The following SERGEF variants were observed in gnomAD, a reference collection of about 807,000 sequenced individuals.
SERGEF encodes the protein secretion-regulating guanine nucleotide exchange factor.
Under a neutral mutation model 50.0 loss-of-function variants are expected in SERGEF, and 51 were observed. That is an observed-to-expected ratio of 1.02 (90% confidence interval 0.81 to 1.29). SERGEF has a LOEUF of 1.29. SERGEF is among the 50% of genes most tolerant of loss of function. The pLI, the probability that SERGEF is intolerant of heterozygous loss-of-function variation, is 0.00. For synonymous variants in SERGEF, 205 were observed against 212.4 expected (o/e 0.97, Z 0.30); for missense variants, 521 against 557.0 (o/e 0.94, Z 0.65).
At chr11:17,876,826 C>T (rs1411167529) in intron 10 of SERGEF, among the ~76,000 whole-genome samples, 2 of 152,248 alleles carry the variant, frequency 1.3e-5, no homozygotes, top group African/African-American at 2.4e-5. Context: ...CTAGGCACCG[C>T]CTTTGACTCT....
chr11:17,933,503 C>T (rs941048026), intron 9 of SERGEF, among the ~76,000 whole-genome samples: 1 of 152,068 alleles, frequency 6.6e-6, no homozygotes, highest in African/African-American at 2.4e-5. Flanking sequence ...TAGCTACTGT[C>T]CCTGGGAAAG....
At chr11:17,912,215 A>T (rs1851968491) in intron 9 of SERGEF, among the ~76,000 whole-genome samples, 1 of 152,266 alleles carries the variant, frequency 6.6e-6, no homozygotes, top group South Asian at 2.1e-4. Context: ...AGAAATACAC[A>T]GTGTTATGAA....
At chr11:17,900,060 A>G (rs1052649850) in intron 9 of SERGEF, among the ~76,000 whole-genome samples, 1 of 152,194 alleles carries the variant, frequency 6.6e-6, no homozygotes, top group Non-Finnish European at 1.5e-5. Context: ...CCTACCTTCT[A>G]GGAGTTAAGA....
At chr11:17,922,163 T>C (rs1273824880) in intron 9 of SERGEF, among the ~76,000 whole-genome samples, 1 of 152,192 alleles carries the variant, frequency 6.6e-6, no homozygotes, top group Non-Finnish European at 1.5e-5. Context: ...CCTTGGAGAA[T>C]AGAGCATATC....
At chr11:17,840,754 A>AT (rs1321779085) in intron 10 of SERGEF, among the ~76,000 whole-genome samples, 1 of 152,204 alleles carries the variant, frequency 6.6e-6, no homozygotes, top group African/African-American at 2.4e-5. Flanking sequence ...AAAAGTCAGC[A>AT]GCTCAGCATC....
intron 9 of SERGEF, among the ~76,000 whole-genome samples, chr11:17,905,906 A>G (rs1851832073): frequency 6.6e-6 from 1 of 152,256 alleles, no homozygotes; most frequent in African/African-American, 2.4e-5. Flanking sequence ...ATTCTGAAAT[A>G]GATTCCAACC....
At chr11:17,866,241 A>G (rs936803006) in intron 10 of SERGEF, among the ~76,000 whole-genome samples, 3 of 152,208 alleles carry the variant, frequency 2.0e-5, no homozygotes, top group South Asian at 4.1e-4. Flanking sequence ...AATTTTGGGT[A>G]ATGCCTTACG....
intron 9 of SERGEF, among the ~76,000 whole-genome samples, chr11:17,914,400 T>A (rs1273500765): frequency 6.6e-6 from 1 of 150,960 alleles, no homozygotes; most frequent in Non-Finnish European, 1.5e-5. Context: ...GTAACATTTT[T>A]AATGTTTTTA....
chr11:17,957,179 G>A (rs144359608), intron 9 of SERGEF, among the ~76,000 whole-genome samples: 7 of 152,300 alleles, frequency 4.6e-5, no homozygotes, highest in African/African-American at 1.2e-4. Flanking sequence ...GATAAGCTAC[G>A]TAAAATTCAC....
At chr11:17,959,065 C>T (rs1400546705) in intron 9 of SERGEF, among the ~76,000 whole-genome samples, 1 of 152,088 alleles carries the variant, frequency 6.6e-6, no homozygotes, top group Non-Finnish European at 1.5e-5. Context: ...GACGGGGTTT[C>T]ACCATGTTAG....
chr11:17,876,814 T>A (rs111933995), intron 10 of SERGEF, among the ~76,000 whole-genome samples: 31 of 152,180 alleles, frequency 2.0e-4, no homozygotes, highest in Admixed American at 6.5e-5. Flanking sequence ...AGCAGCAATG[T>A]CCTAGGCACC....
intron 9 of SERGEF, among the ~76,000 whole-genome samples, chr11:17,917,378 G>A (rs576507361): frequency 2.6e-5 from 4 of 152,282 alleles, no homozygotes; most frequent in Non-Finnish European, 5.9e-5. Flanking sequence ...AGGATGCAAA[G>A]GCATAAGAAT....
chr11:17,937,621 T>C (rs774379365), intron 9 of SERGEF, among the ~76,000 whole-genome samples: 35 of 152,156 alleles, frequency 2.3e-4, no homozygotes, highest in Non-Finnish European at 4.9e-4. Context: ...ACAGATGATT[T>C]TGGTGTTCCA....
intron 9 of SERGEF, among the ~76,000 whole-genome samples, chr11:17,931,898 G>A (rs535506554): frequency 6.6e-6 from 1 of 152,296 alleles, no homozygotes; most frequent in East Asian, 1.9e-4. Flanking sequence ...TGATTCTGAT[G>A]CATGCTGAGG....
intron 9 of SERGEF, among the ~76,000 whole-genome samples, chr11:17,878,465 T>C (rs1483574489): frequency 1.3e-5 from 2 of 152,186 alleles, no homozygotes; most frequent in African/African-American, 4.8e-5. Context: ...TCATCAGATA[T>C]TAAAGTTGTC....
chr11:17,983,961 C>T (rs905764498), intron 8 of SERGEF, among the ~76,000 whole-genome samples: 1 of 152,030 alleles, frequency 6.6e-6, no homozygotes, highest in African/African-American at 2.4e-5. Flanking sequence ...CAAGCAAAGG[C>T]CAGAGTGCAG....
intron 10 of SERGEF, chr11:17,877,955 T>G (rs1851267684): frequency 2.6e-6 from 1 of 389,006 alleles, no homozygotes; most frequent in Non-Finnish European, 4.6e-6. Flanking sequence ...TTCTTTAATA[T>G]GCTCAAATGC....
chr11:17,864,384 C>G (rs1366858885), intron 10 of SERGEF, among the ~76,000 whole-genome samples: 1 of 152,134 alleles, frequency 6.6e-6, no homozygotes, highest in Non-Finnish European at 1.5e-5. Flanking sequence ...AATGTCGCTT[C>G]TTTAGGAACA....
Position 17,918,069 on chromosome 11 carries a change from G to C in SERGEF, c.1012-39825C>G, listed in dbSNP as rs553998976. On this transcript the variant is annotated intron_variant, in intron 9 of 10. Transcript: ENST00000265965. ...GATTAGAAAATTGAGTCTCAAATCAGTAAAGTAACTTGCTGAAGGTCACAA... is the reference window on the plus strand; with the variant it reads ...GATTAGAAAATTGAGTCTCAAATCACTAAAGTAACTTGCTGAAGGTCACAA... 6.4e-4 allele frequency among the ~76,000 whole-genome samples: 98 copies of C among 152,282 alleles called. 1 individual carries two copies. Among genetic ancestry groups the C allele is most frequent in the Admixed American group, 1.5e-3 (23 of 15,298 alleles).
Sources: gnomAD v4.1 joint callset for allele counts (sites outside exome capture counted in the v4.1 genomes callset) on GRCh38, gnomAD v4.1.1 for gene constraint, MANE v1.5 for transcripts, NCBI Gene and HGNC (gene_info 2026-07-23, HGNC 2026-07-21) for gene names.